The following BNIP1 variants were observed in gnomAD, a reference collection of about 807,000 sequenced individuals.
BNIP1 encodes the protein vesicle transport protein SEC20.
In BNIP1, 25 loss-of-function variants were observed where a neutral mutation model predicts 28.5. The ratio of observed to expected loss-of-function variants is 0.88; its 90% CI spans 0.64 to 1.23. The LOEUF (loss-of-function observed/expected upper bound fraction) is 1.23. BNIP1 is among the 50% of genes most tolerant of loss of function. The probability of loss-of-function intolerance (pLI) is 0.00; values close to 1 mark genes in which losing one functional copy is unlikely to be tolerated. For synonymous variants in BNIP1, 118 were observed against 101.7 expected (o/e 1.16, Z -0.96); for missense variants, 276 against 277.0 (o/e 1.00, Z 0.02).
intron 5 of BNIP1, among the ~76,000 whole-genome samples, chr5:173,160,648 C>A (rs986265982): frequency 3.3e-5 from 5 of 152,060 alleles, no homozygotes; most frequent in African/African-American, 1.2e-4. Context: ...GAGAGGGTGT[C>A]GGCAGGGCTG....
At chr5:173,146,103 A>T (rs1759827655) in intron 1 of BNIP1, among the ~76,000 whole-genome samples, 1 of 152,230 alleles carries the variant, frequency 6.6e-6, no homozygotes, top group Non-Finnish European at 1.5e-5. Flanking sequence ...GATGAGAAAG[A>T]CTGATTATAG....
Position 173,158,852 on chromosome 5 carries a change from ATTC to A in BNIP1, c.371+10_371+12del, listed in dbSNP as rs1302988088. ...GAGATCTCTTAAGGCAAAGGTACCT[ATTC>A]TTTTATTTTTCTGGGCTCCGATAAT... On this transcript the variant is annotated splice_region_variant and intron_variant, in intron 4 of 5. Coordinates refer to ENST00000351486, the MANE Select transcript of BNIP1 (RefSeq NM_001205.3). 6.2e-7 allele frequency: 1 copy of A among 1,604,940 alleles called. No individual in the cohort carries two copies. The highest frequency in any genetic ancestry group is 1.3e-5 in the African/African-American group (1 of 74,566).
At chr5:173,162,257 CA>C (rs1284903330) in intron 5 of BNIP1, among the ~76,000 whole-genome samples, 1 of 152,150 alleles carries the variant, frequency 6.6e-6, no homozygotes, top group Non-Finnish European at 1.5e-5. Context: ...ATTATAATTT[CA>C]ATGTAAAACT....
At chr5:173,145,406 G>A (rs770950908) in intron 1 of BNIP1, among the ~76,000 whole-genome samples, 5 of 152,194 alleles carry the variant, frequency 3.3e-5, no homozygotes, top group Non-Finnish European at 7.3e-5. Flanking sequence ...TTGCTTGTTT[G>A]TTTTTGTTTT....
At position 173,164,037 on chromosome 5, in the gene BNIP1, G is replaced by T. The variant is rs556337656; in HGVS notation, c.*116G>T. ...ACCCCTCCGTTTGCACCAGTTGCCTGCAGGTTGGATGGAACACAGTGCCCC... is the reference window on the plus strand; with the variant it reads ...ACCCCTCCGTTTGCACCAGTTGCCTTCAGGTTGGATGGAACACAGTGCCCC... On this transcript the variant is annotated 3_prime_UTR_variant, in exon 6 of 6. Coordinates refer to ENST00000351486, the MANE Select transcript of BNIP1 (RefSeq NM_001205.3). This position sits in a 1 kb window ranked among gnomAD's most constrained non-coding sequence, Gnocchi z 4.0. The T allele has an allele frequency of 4.5e-6, 5 of 1,119,124 alleles. No homozygotes were observed. The highest frequency in any genetic ancestry group is 6.2e-6 in the Non-Finnish European group (5 of 804,128). 69.3% of individuals were successfully genotyped at this position (1,119,124 alleles called of 1,614,324 possible).
At chr5:173,155,228 A>T (rs1760151209) in intron 3 of BNIP1, among the ~76,000 whole-genome samples, 1 of 152,260 alleles carries the variant, frequency 6.6e-6, no homozygotes, top group Non-Finnish European at 1.5e-5. Flanking sequence ...CCTTGATTAT[A>T]TAGTTACAGT....
At chr5:173,156,979 CA>C (rs960584410) in intron 3 of BNIP1, among the ~76,000 whole-genome samples, 1 of 151,114 alleles carries the variant, frequency 6.6e-6, no homozygotes, top group East Asian at 1.9e-4. Context: ...ACAAAAAAAA[CA>C]AAAAAAACCA....
At chr5:173,145,470 C>G (rs1201409500) in intron 1 of BNIP1, among the ~76,000 whole-genome samples, 2 of 152,148 alleles carry the variant, frequency 1.3e-5, no homozygotes, top group Non-Finnish European at 2.9e-5. Context: ...GGCGCGATCT[C>G]GACTCGCGGC....
At chr5:173,147,522 T>C (rs1759875033) in intron 2 of BNIP1, among the ~76,000 whole-genome samples, 1 of 152,076 alleles carries the variant, frequency 6.6e-6, no homozygotes, top group Non-Finnish European at 1.5e-5. Flanking sequence ...TCAAATACTT[T>C]CTCTTCTCTG....
chr5:173,146,983 G>A, intron 2 of BNIP1, 25 bp downstream of exon 2: 3 of 1,574,518 alleles, frequency 1.9e-6, no homozygotes, highest in Non-Finnish European at 2.6e-6. Flanking sequence ...TTCAGTCAAT[G>A]AAGGGGGCTC....
At chr5:173,159,864 G>T in intron 4 of BNIP1, 69 bp from the exon 5 acceptor site, 2 of 1,261,672 alleles carry the variant, frequency 1.6e-6, no homozygotes, top group Middle Eastern at 3.8e-4. Context: ...ATCTCATTTG[G>T]ATGTGGGGCC....
chr5:173,157,927 T>TG lies in BNIP1; in HGVS notation c.270-817_270-816insG, dbSNP rs1397103109. On this transcript the variant is annotated intron_variant, in intron 3 of 5. Coordinates refer to ENST00000351486, the MANE Select transcript of BNIP1 (RefSeq NM_001205.3). ...TTGGCTTTTTGTGTGTGTGTGTGTG[T>TG]TTTTTTTTTTTTTTCTTGAGAGAAG... 2.7e-3 allele frequency among the ~76,000 whole-genome samples: 377 copies of TG among 140,368 alleles called. 2 individuals carry two copies. The Middle Eastern group carries it at 0.029, about 11-fold the overall frequency. 92.1% of individuals were successfully genotyped at this position (140,368 alleles called of 152,430 possible). A position where few individuals can be genotyped will look rare whatever the true frequency, so the allele number is the denominator to read the frequency against.
chr5:173,161,027 A>C (rs1227975918), intron 5 of BNIP1: 1 of 355,270 alleles, frequency 2.8e-6, no homozygotes, highest in East Asian at 7.3e-5. Context: ...ACAAAAGGAG[A>C]AAGCATGGTA....
chr5:173,148,078 AAAAAAATATATATATATATATATATATAT>A (rs1561593265), intron 2 of BNIP1, among the ~76,000 whole-genome samples: 4 of 46,818 alleles, frequency 8.5e-5, no homozygotes, highest in African/African-American at 4.1e-4. Context: ...AAAAAAAAAA[AAAAAAATATATATATATATATATATATAT>A]ATATATATAT....
intron 3 of BNIP1, among the ~76,000 whole-genome samples, chr5:173,158,418 T>G (rs899179353): frequency 1.3e-5 from 2 of 152,198 alleles, no homozygotes; most frequent in Admixed American, 1.3e-4. Flanking sequence ...GCTGGGAAGT[T>G]TGGATGCCTC....
chr5:173,156,314 T>C (rs779708246), intron 3 of BNIP1, among the ~76,000 whole-genome samples: 1 of 152,126 alleles, frequency 6.6e-6, no homozygotes, highest in Non-Finnish European at 1.5e-5. Context: ...CCATCCACAA[T>C]GTAGCATTAC....
chr5:173,158,276 G>A (rs1760262242), intron 3 of BNIP1, among the ~76,000 whole-genome samples: 1 of 152,154 alleles, frequency 6.6e-6, no homozygotes, highest in Non-Finnish European at 1.5e-5. Flanking sequence ...GCAGCTGAAG[G>A]GCCAGAAATG....
intron 5 of BNIP1, 104 bp from the exon 6 acceptor site, chr5:173,163,621 C>T (rs1279192342): frequency 9.4e-7 from 1 of 1,064,698 alleles, no homozygotes; most frequent in Admixed American, 2.7e-5. Context: ...CAGAGGAACT[C>T]ACTTGAGAAT....
intron 1 of BNIP1, chr5:173,144,870 C>T (rs1392783325): frequency 4.2e-6 from 2 of 481,480 alleles, no homozygotes; most frequent in African/African-American, 2.0e-5. Context: ...GTTCTCCGCC[C>T]CTGACTCAGC....
Sources: allele counts gnomAD v4.1 joint callset (sites outside exome capture counted in the v4.1 genomes callset), GRCh38; gene constraint gnomAD v4.1.1; non-coding constraint Gnocchi (gnomAD v3.1); transcripts MANE v1.5; gene names NCBI Gene and HGNC (gene_info 2026-07-23, HGNC 2026-07-21).